SGSM2: variants seen among roughly 807,000 people sequenced by gnomAD.
SGSM2 encodes RUN and TBC1 domain containing 1.
SGSM2 carries 89 observed loss-of-function variants against 126.6 expected under a neutral mutation model. The observed-to-expected ratio is 0.70, with a 90% CI of 0.59 to 0.84. The LOEUF (loss-of-function observed/expected upper bound fraction) is 0.84. SGSM2 is among the 40% of genes least tolerant of loss of function. The probability of loss-of-function intolerance (pLI) is 0.00; values close to 1 mark genes in which losing one functional copy is unlikely to be tolerated. For synonymous variants in SGSM2, 614 were observed against 574.3 expected (o/e 1.07, Z -0.99); for missense variants, 1,404 against 1,416.6 (o/e 0.99, Z 0.14).
Position 2,364,288 on chromosome 17 carries a change from C to CT in SGSM2, c.932+108dup, listed in dbSNP as rs573497779. ...CTTGCTCCAGGAGGCCAACCTCACT[C>CT]TTTATTTGGACGCCAAGAATAGCAG... On this transcript the variant is annotated intron_variant, in intron 8 of 23. Coordinates refer to ENST00000268989, the MANE Select transcript of SGSM2 (RefSeq NM_014853.3). 1.6e-4 allele frequency: 229 copies of CT among 1,431,988 alleles called. No homozygotes were observed. The African/African-American group carries it at 2.7e-3, about 17-fold the overall frequency. The allele number at this position is 1,431,988 out of a possible 1,614,324, so 88.7% of individuals were successfully genotyped here.
At chr17:2,357,807 T>C (rs1337973423) in intron 2 of SGSM2, among the ~76,000 whole-genome samples, 1 of 152,354 alleles carries the variant, frequency 6.6e-6, no homozygotes, top group African/African-American at 2.4e-5. Context: ...ACTAAAGTCA[T>C]GTTTCTCTCT....
At chr17:2,353,391 G>T (rs73296248) in intron 2 of SGSM2, among the ~76,000 whole-genome samples, 16,365 of 151,934 alleles carry the variant, frequency 0.11, 1,577 homozygotes, top group African/African-American at 0.26. Flanking sequence ...CCCTAGTGCT[G>T]GTCACCCACT....
rs1423388215 is a variant in SGSM2 at position 2,380,216 on chromosome 17, T to A, written c.*696T>A. 2 of 1,534,686 alleles carry A rather than the reference T, an allele frequency of 1.3e-6. No individual in the cohort carries two copies. Among genetic ancestry groups the A allele is most frequent in the African/African-American group, 2.7e-5 (2 of 72,990 alleles). On this transcript the variant is annotated 3_prime_UTR_variant, in exon 24 of 24. Transcript: ENST00000268989. ...CGGCCTTGTACAGTGTACCTCTGTG[T>A]ATCTGTACAGCCTCGCTCCTGCCAC...
At chr17:2,376,872 G>A (rs1442870270) in intron 20 of SGSM2, 57 bp downstream of exon 20, 1 of 1,610,076 alleles carries the variant, frequency 6.2e-7, no homozygotes, top group Non-Finnish European at 8.5e-7. Context: ...GGACGAGAGG[G>A]TGGCCAGGTC....
chr17:2,344,373 A>T (rs2064502342), intron 2 of SGSM2, among the ~76,000 whole-genome samples: 1 of 152,190 alleles, frequency 6.6e-6, no homozygotes, highest in South Asian at 2.1e-4. Context: ...AGGGACAGGG[A>T]ACCATTCACC....
chr17:2,364,556 G>C lies in SGSM2; in HGVS notation c.933-40G>C, dbSNP rs904458978. On this transcript the variant is annotated intron_variant, in intron 8 of 23. Coordinates refer to ENST00000268989, the MANE Select transcript of SGSM2 (RefSeq NM_014853.3). Reference sequence around the variant, plus strand: ...GACAAGGAAGGAAGGAAGGATGGCAGGTCTTTGGACACAGTGACAGCAGTC... The same window carrying C: ...GACAAGGAAGGAAGGAAGGATGGCACGTCTTTGGACACAGTGACAGCAGTC... The C allele has an allele frequency of 1.3e-5, 21 of 1,605,814 alleles. 1 individual carries two copies. The highest frequency in any genetic ancestry group is 4.3e-6 in the Non-Finnish European group (5 of 1,172,728).
chr17:2,372,615 G>A lies in SGSM2; in HGVS notation c.1788+127G>A. 2 of 1,328,676 alleles carry A rather than the reference G, an allele frequency of 1.5e-6. No individual in the cohort carries two copies. The highest frequency in any genetic ancestry group is 1.3e-5 in the South Asian group (1 of 74,702). 82.3% of individuals were successfully genotyped at this position (1,328,676 alleles called of 1,614,324 possible). ...GGGCCGATGCCACGGAGTGACCAGGGTCCCGGCAGAATCTCTTGCAGCTGG... is the reference window on the plus strand; with the variant it reads ...GGGCCGATGCCACGGAGTGACCAGGATCCCGGCAGAATCTCTTGCAGCTGG... On this transcript the variant is annotated intron_variant, in intron 15 of 23. Transcript: ENST00000268989. This position sits in a 1 kb window ranked among gnomAD's most constrained non-coding sequence, Gnocchi z 6.0.
At chr17:2,373,702 A>G in intron 17 of SGSM2, 189 bp downstream of exon 17, 1 of 595,020 alleles carries the variant, frequency 1.7e-6, no homozygotes, top group Middle Eastern at 4.4e-4. Context: ...TTCTCTGGGT[A>G]TTGTAGGAAT....
At position 2,375,753 on chromosome 17, in the gene SGSM2, A is replaced by G. The variant is rs761086256; in HGVS notation, c.2362A>G (p.Ser788Gly). ...GGACGGCGGTGGGGAGGAAGGCTCC[A>G]GTGGGCCCGGCCCTGCAGCTCACAC... ...EEDGGGEEGS[S>G]GPGPAAHTLR... Residue 788 changes from serine (S) to glycine (G), a missense_variant, in exon 18 of 24, where the codon AGT becomes GGT. Physicochemically the swap from Ser to Gly is moderately conservative, Grantham distance 56. Coordinates refer to ENST00000268989, the MANE Select transcript of SGSM2 (RefSeq NM_014853.3). 1 of 1,604,890 alleles carries G rather than the reference A, an allele frequency of 6.2e-7. No individual in the cohort carries two copies. Among genetic ancestry groups the G allele is most frequent in the East Asian group, 2.2e-5 (1 of 44,686 alleles).
In SGSM2 at chr17:2,337,841, G is replaced by C; in HGVS notation, c.57+96G>C. ...CGCCCACCCCCCGGCGCGGGCACCC[G>C]GGCCGAACCTGGGCCGGGCGGGGCG... On this transcript the variant is annotated intron_variant, in intron 1 of 23. Coordinates refer to ENST00000268989, the MANE Select transcript of SGSM2 (RefSeq NM_014853.3). The surrounding 1 kb of genome is among the most constrained non-coding windows in gnomAD (Gnocchi z 5.1). 1 of 881,122 alleles carries C rather than the reference G, an allele frequency of 1.1e-6. No homozygotes were observed. The highest frequency in any genetic ancestry group is 1.6e-6 in the Non-Finnish European group (1 of 644,984). The allele number at this position is 881,122 out of a possible 1,614,324, so 54.6% of individuals were successfully genotyped here.
Position 2,372,079 on chromosome 17 carries a change from C to A in SGSM2, c.1578-111C>A. On this transcript the variant is annotated intron_variant, in intron 13 of 23. Coordinates refer to ENST00000268989, the MANE Select transcript of SGSM2 (RefSeq NM_014853.3). This position sits in a 1 kb window ranked among gnomAD's most constrained non-coding sequence, Gnocchi z 6.0. ...GCTGGGCTGCGGCTCCTCCTCCTCG[C>A]ACCCTCCCCAGTGCCTTACCTGCCC... 7.8e-7 allele frequency: 1 copy of A among 1,275,620 alleles called. No individual in the cohort carries two copies. Among genetic ancestry groups the A allele is most frequent in the Non-Finnish European group, 1.1e-6 (1 of 892,922 alleles). 79.0% of individuals were successfully genotyped at this position (1,275,620 alleles called of 1,614,324 possible).
In SGSM2 at chr17:2,364,032, TCGGTCTTC is replaced by T; in HGVS notation, c.808-22_808-15del. 6.2e-7 allele frequency: 1 copy of T among 1,613,854 alleles called. No homozygotes were observed. The highest frequency in any genetic ancestry group is 2.2e-5 in the East Asian group (1 of 44,872). ...CTGAGAGCCTCTCAGCCCTTCATCG[TCGGTCTTC>T]CGGTGTCTCCCGCTGTAGAAGGAGG... On this transcript the variant is annotated intron_variant, in intron 7 of 23. Coordinates refer to ENST00000268989, the MANE Select transcript of SGSM2 (RefSeq NM_014853.3).
At position 2,375,720 on chromosome 17, in the gene SGSM2, G is replaced by A. The variant is rs748052682; in HGVS notation, c.2329G>A (p.Glu777Lys). Residue 777 changes from glutamate (E) to lysine (K), a missense_variant, in exon 18 of 24, where the codon GAA (glutamate) becomes AAA (lysine). Coordinates refer to ENST00000268989, the MANE Select transcript of SGSM2 (RefSeq NM_014853.3). Reference sequence around the variant, plus strand: ...AGATGAGGGGCAGAGCGTGGGCTTCGAAGAGGAGGACGGCGGTGGGGAGGA... The same window carrying A: ...AGATGAGGGGCAGAGCGTGGGCTTCAAAGAGGAGGACGGCGGTGGGGAGGA... Reference protein sequence around the residue: ...SLDEGQSVGFEEEDGGGEEGS... With the variant: ...SLDEGQSVGFKEEDGGGEEGS... 17 of 1,610,948 alleles carry A rather than the reference G, an allele frequency of 1.1e-5. No individual in the cohort carries two copies. The highest frequency in any genetic ancestry group is 1.7e-5 in the Admixed American group (1 of 59,944).
At chr17:2,358,514 G>A (rs376476338) in intron 2 of SGSM2, among the ~76,000 whole-genome samples, 1 of 152,142 alleles carries the variant, frequency 6.6e-6, no homozygotes. Context: ...TTGGAGACCA[G>A]CCTAGGCAAC....
chr17:2,376,084 C>A (rs1567849329), intron 18 of SGSM2, 53 bp from the exon 19 acceptor site: 6 of 1,611,332 alleles, frequency 3.7e-6, no homozygotes, highest in South Asian at 3.3e-5. Context: ...CTCCTGCCCC[C>A]AGCCTGGGAA....
intron 10 of SGSM2, 44 bp downstream of exon 10, chr17:2,365,101 T>G (rs1488760841): frequency 6.2e-7 from 1 of 1,601,840 alleles, no homozygotes; most frequent in Non-Finnish European, 8.5e-7. Flanking sequence ...GTGTGTGGGG[T>G]TCTCTGCCCG....
intron 12 of SGSM2, among the ~76,000 whole-genome samples, chr17:2,368,060 C>A (rs906406632): frequency 2.6e-5 from 4 of 152,186 alleles, no homozygotes. Flanking sequence ...GCCCCTGGTT[C>A]ACTGTGTGGT....
At chr17:2,347,999 G>A (rs2064678418) in intron 2 of SGSM2, among the ~76,000 whole-genome samples, 2 of 152,188 alleles carry the variant, frequency 1.3e-5, no homozygotes, top group Non-Finnish European at 1.5e-5. Context: ...CTGTGTGCAA[G>A]TGGGTCAACA....
intron 2 of SGSM2, among the ~76,000 whole-genome samples, chr17:2,349,831 A>G (rs947649004): frequency 6.8e-6 from 1 of 147,668 alleles, no homozygotes; most frequent in Non-Finnish European, 1.5e-5. Context: ...TCTGTCGCCC[A>G]GGCTGGAGTG....
Sources: allele counts gnomAD v4.1 joint callset (sites outside exome capture counted in the v4.1 genomes callset), GRCh38; gene constraint gnomAD v4.1.1; non-coding constraint Gnocchi (gnomAD v3.1); transcripts MANE v1.5; gene names NCBI Gene and HGNC (gene_info 2026-07-23, HGNC 2026-07-21).